The following OR2L13 variants were observed in gnomAD, a reference collection of about 807,000 sequenced individuals.
The protein encoded by OR2L13 is olfactory receptor 2L13.
OR2L13 carries 14 observed loss-of-function variants against 15.3 expected under a neutral mutation model. The ratio of observed to expected loss-of-function variants is 0.91; its 90% CI spans 0.60 to 1.43. The LOEUF (loss-of-function observed/expected upper bound fraction) is 1.43. Ranked by LOEUF, OR2L13 falls within the 40% of genes most tolerant of loss-of-function variation. The probability of loss-of-function intolerance (pLI) is 0.00; values close to 1 mark genes in which losing one functional copy is unlikely to be tolerated. For synonymous variants in OR2L13, 152 were observed against 142.9 expected, an observed-to-expected ratio of 1.06 and a Z score of -0.45; for missense variants, 367 against 387.9, an observed-to-expected ratio of 0.95 and a Z score of 0.45.
the OR2L13 span, among the ~76,000 whole-genome samples, chr1:247,947,155 G>T: frequency 6.6e-6 from 1 of 152,058 alleles, no homozygotes; most frequent in Non-Finnish European, 1.5e-5. Context: ...GTTCTTTAAT[G>T]TTACGTGTCA....
the OR2L13 span, among the ~76,000 whole-genome samples, chr1:248,065,863 T>C: frequency 6.6e-6 from 1 of 152,010 alleles, no homozygotes; most frequent in Admixed American, 6.5e-5. Context: ...TTGGTTAACA[T>C]TGGAGAAAAA....
chr1:248,077,335 A>G, the OR2L13 span, among the ~76,000 whole-genome samples: 1 of 152,184 alleles, frequency 6.6e-6, no homozygotes, highest in Non-Finnish European at 1.5e-5. Context: ...AGGCTTTGGT[A>G]TCAGGATGAT....
chr1:247,997,461 A>T, the OR2L13 span, among the ~76,000 whole-genome samples: 1 of 152,030 alleles, frequency 6.6e-6, no homozygotes, highest in Non-Finnish European at 1.5e-5. Context: ...TTAGAAGATA[A>T]CTCCCATGTA....
At chr1:248,060,929 A>C in the OR2L13 span, 2 of 1,613,756 alleles carry the variant, frequency 1.2e-6, no homozygotes, top group Non-Finnish European at 1.7e-6. Flanking sequence ...ATGGCATCTG[A>C]TTTTCTGTCT....
chr1:247,961,548 C>G, the OR2L13 span, among the ~76,000 whole-genome samples: 2 of 152,070 alleles, frequency 1.3e-5, no homozygotes, highest in Non-Finnish European at 2.9e-5. Flanking sequence ...GCAAAGACTC[C>G]GATGTCCGGT....
the OR2L13 span, chr1:247,990,172 G>A: frequency 1.8e-6 from 1 of 551,332 alleles, no homozygotes; most frequent in Non-Finnish European, 3.3e-6. Flanking sequence ...GGCATTCACT[G>A]GCGGGCTTGA....
chr1:247,959,063 T>C, the OR2L13 span, among the ~76,000 whole-genome samples: 1 of 152,228 alleles, frequency 6.6e-6, no homozygotes, highest in African/African-American at 2.4e-5. Flanking sequence ...TTTGGCATGA[T>C]TTTGCAGTGG....
the OR2L13 span, chr1:247,965,802 C>T: frequency 6.2e-7 from 1 of 1,607,388 alleles, no homozygotes. Context: ...AGATCTGCTG[C>T]CTCATGGTTG....
At chr1:248,059,439 C>A in the OR2L13 span, among the ~76,000 whole-genome samples, 9 of 152,230 alleles carry the variant, frequency 5.9e-5, no homozygotes, top group South Asian at 1.9e-3. Flanking sequence ...GTAATGTTAT[C>A]TAAGCACTAG....
At chr1:248,029,432 T>C in the OR2L13 span, among the ~76,000 whole-genome samples, 1 of 151,470 alleles carries the variant, frequency 6.6e-6, no homozygotes, top group Non-Finnish European at 1.5e-5. Context: ...TAAAGCACTC[T>C]ACTGAATAAA....
chr1:247,965,081 A>G, the OR2L13 span, among the ~76,000 whole-genome samples: 22 of 151,414 alleles, frequency 1.5e-4, no homozygotes, highest in Admixed American at 8.6e-4. Context: ...GTATATGTAC[A>G]TATACTTACA....
At chr1:247,988,914 A>G in the OR2L13 span, among the ~76,000 whole-genome samples, 5,894 of 152,190 alleles carry the variant, frequency 0.039, 353 homozygotes, top group African/African-American at 0.13. Flanking sequence ...TAAATAATTG[A>G]TAAATATTCT....
At chr1:248,021,885 G>A in the OR2L13 span, 1 of 1,335,482 alleles carries the variant, frequency 7.5e-7, no homozygotes, top group Non-Finnish European at 1.0e-6. Flanking sequence ...TGCAGATAAT[G>A]GGGAACTACT....
the OR2L13 span, among the ~76,000 whole-genome samples, chr1:248,059,444 C>A: frequency 6.6e-6 from 1 of 152,132 alleles, no homozygotes; most frequent in Middle Eastern, 3.2e-3. Flanking sequence ...GTTATCTAAG[C>A]ACTAGAGAAG....
At chr1:248,085,287 G>A in the OR2L13 span, among the ~76,000 whole-genome samples, 1 of 151,384 alleles carries the variant, frequency 6.6e-6, no homozygotes, top group East Asian at 1.9e-4. Context: ...CACTCGACAT[G>A]GCATTAAAAA....
At chr1:247,940,705 ATT>A in the OR2L13 span, among the ~76,000 whole-genome samples, 4 of 142,432 alleles carry the variant, frequency 2.8e-5, no homozygotes, top group Non-Finnish European at 4.5e-5. Context: ...TGGTAGAATG[ATT>A]TTGTGTGTGT....
chr1:248,024,632 C>T, the OR2L13 span, among the ~76,000 whole-genome samples: 2 of 152,120 alleles, frequency 1.3e-5, no homozygotes, highest in African/African-American at 4.8e-5. Flanking sequence ...TATGGCTAGC[C>T]AGTTTTCCCA....
the OR2L13 span, among the ~76,000 whole-genome samples, chr1:248,074,275 A>G: frequency 6.6e-6 from 1 of 152,142 alleles, no homozygotes; most frequent in Non-Finnish European, 1.5e-5. Context: ...TGACGTGAAG[A>G]TACCACCACT....
At chr1:248,032,766 A>C in the OR2L13 span, among the ~76,000 whole-genome samples, 1 of 152,134 alleles carries the variant, frequency 6.6e-6, no homozygotes, top group Non-Finnish European at 1.5e-5. Context: ...TGGACACTTA[A>C]GTTGTCTCTG....
Sources: gnomAD v4.1 joint callset for allele counts (sites outside exome capture counted in the v4.1 genomes callset) on GRCh38, gnomAD v4.1.1 for gene constraint, MANE v1.5 for transcripts, NCBI Gene and HGNC (gene_info 2026-07-23, HGNC 2026-07-21) for gene names.